The following IMMP2L variants were observed in gnomAD, a reference collection of about 807,000 sequenced individuals.
IMMP2L encodes the protein inner mitochondrial membrane peptidase subunit 2.
A neutral mutation model predicts 19.3 loss-of-function variants in IMMP2L; 18 were observed. The ratio of observed to expected loss-of-function variants is 0.93; its 90% CI spans 0.64 to 1.38. IMMP2L has a LOEUF of 1.38. Ranked by LOEUF, IMMP2L falls within the 40% of genes most tolerant of loss-of-function variation. IMMP2L has a pLI of 0.00. For missense variants in IMMP2L, 233 were observed against 218.2 expected (o/e 1.07, Z -0.43); for synonymous variants, 76 against 73.0 (o/e 1.04, Z -0.21).
intron 2 of IMMP2L, among the ~76,000 whole-genome samples, chr7:111,514,621 T>A (rs2132604390): frequency 6.6e-6 from 1 of 152,218 alleles, no homozygotes; most frequent in African/African-American, 2.4e-5. Context: ...ATGGGTAAAT[T>A]CAATGGTATA....
At chr7:111,127,898 T>C (rs909724584) in intron 3 of IMMP2L, among the ~76,000 whole-genome samples, 15 of 152,268 alleles carry the variant, frequency 9.9e-5, no homozygotes, top group Middle Eastern at 3.4e-3. Context: ...GCATACCCAA[T>C]TGAATACAAA....
chr7:111,114,981 A>G (rs1207195933), intron 3 of IMMP2L, among the ~76,000 whole-genome samples: 2 of 152,132 alleles, frequency 1.3e-5, no homozygotes, highest in African/African-American at 4.8e-5. Context: ...AGAGATCTCT[A>G]GTTTAATTAT....
intron 4 of IMMP2L, among the ~76,000 whole-genome samples, chr7:110,890,400 G>T (rs1370612676): frequency 6.6e-6 from 1 of 152,070 alleles, no homozygotes; most frequent in Non-Finnish European, 1.5e-5. Flanking sequence ...GAAGAACCCT[G>T]GTAAAATTCA....
intron 5 of IMMP2L, among the ~76,000 whole-genome samples, chr7:110,690,093 G>A (rs1793387523): frequency 6.6e-6 from 1 of 152,148 alleles, no homozygotes; most frequent in Non-Finnish European, 1.5e-5. Flanking sequence ...GACTTTCAGA[G>A]TCCAGGCCAG....
intron 3 of IMMP2L, among the ~76,000 whole-genome samples, chr7:111,430,988 G>A (rs1325588839): frequency 1.3e-5 from 2 of 151,588 alleles, no homozygotes; most frequent in African/African-American, 4.9e-5. Context: ...GTGCCTGTAG[G>A]GCCAGCTACT....
At chr7:110,969,120 G>A in intron 3 of IMMP2L, among the ~76,000 whole-genome samples, 1 of 151,922 alleles carries the variant, frequency 6.6e-6, no homozygotes, top group Non-Finnish European at 1.5e-5. Context: ...AAAAGCACAG[G>A]TTTATTTTAA....
intron 3 of IMMP2L, among the ~76,000 whole-genome samples, chr7:111,125,915 C>A (rs1367324706): frequency 6.6e-6 from 1 of 150,954 alleles, no homozygotes; most frequent in Non-Finnish European, 1.5e-5. Context: ...CTCCGCTTCC[C>A]AGGTTCAAGC....
At chr7:111,253,242 T>G (rs772748947) in intron 3 of IMMP2L, among the ~76,000 whole-genome samples, 1 of 152,164 alleles carries the variant, frequency 6.6e-6, no homozygotes, top group African/African-American at 2.4e-5. Flanking sequence ...CAGAGAATTA[T>G]ATCAATGATG....
intron 3 of IMMP2L, among the ~76,000 whole-genome samples, chr7:111,422,432 A>T (rs537192572): frequency 0.057 from 8,661 of 151,712 alleles, 371 homozygotes; most frequent in South Asian, 0.083. Context: ...TGAAGAGGTC[A>T]CCACATCCCT....
intron 3 of IMMP2L, among the ~76,000 whole-genome samples, chr7:111,218,504 C>T (rs952296068): frequency 6.6e-6 from 1 of 151,416 alleles, no homozygotes; most frequent in Non-Finnish European, 1.5e-5. Context: ...CACCAATAAA[C>T]CCCAGGCAAC....
intron 3 of IMMP2L, among the ~76,000 whole-genome samples, chr7:111,338,452 C>G (rs1290254708): frequency 6.6e-6 from 1 of 151,740 alleles, no homozygotes; most frequent in African/African-American, 2.4e-5. Context: ...ACTAGGTATT[C>G]TCAATAATAA....
chr7:111,421,311 C>G (rs1303121930), intron 3 of IMMP2L, among the ~76,000 whole-genome samples: 4 of 145,888 alleles, frequency 2.7e-5, no homozygotes, highest in Non-Finnish European at 4.5e-5. Context: ...GCTCTGTGGC[C>G]CAGGTGGGAG....
intron 4 of IMMP2L, among the ~76,000 whole-genome samples, chr7:110,928,040 G>GAAAT (rs982410416): frequency 5.9e-5 from 9 of 151,788 alleles, no homozygotes; most frequent in Admixed American, 1.3e-4. Context: ...AGCAGGGCCA[G>GAAAT]AAATAAATAA....
chr7:111,024,417 A>G (rs1476902329), intron 3 of IMMP2L, among the ~76,000 whole-genome samples: 1 of 151,982 alleles, frequency 6.6e-6, no homozygotes, highest in African/African-American at 2.4e-5. Context: ...TATCCTAGGA[A>G]CTCCAAATGC....
chr7:111,539,968 T>G (rs986426066), intron 1 of IMMP2L, among the ~76,000 whole-genome samples: 3 of 152,176 alleles, frequency 2.0e-5, no homozygotes, highest in Admixed American at 6.5e-5. Flanking sequence ...TTACTTATTA[T>G]TTTTAATGGC....
chr7:110,936,224 C>G (rs910161262), intron 4 of IMMP2L, among the ~76,000 whole-genome samples: 1 of 152,150 alleles, frequency 6.6e-6, no homozygotes, highest in Non-Finnish European at 1.5e-5. Flanking sequence ...TAAAGAGCTT[C>G]TGCACAGCAA....
intron 3 of IMMP2L, among the ~76,000 whole-genome samples, chr7:110,975,416 T>A (rs1164674005): frequency 6.6e-6 from 1 of 152,138 alleles, no homozygotes; most frequent in Non-Finnish European, 1.5e-5. Context: ...CTTGACCTCC[T>A]GCCTGTTAAC....
rs145002707 is a variant in IMMP2L at position 110,750,436 on chromosome 7, C to G, written c.409-86715G>C. 5.8e-4 allele frequency among the ~76,000 whole-genome samples: 88 copies of G among 152,042 alleles called. 1 individual carries two copies. The highest frequency in any genetic ancestry group is 2.0e-3 in the African/African-American group (81 of 41,482). On this transcript the variant is annotated intron_variant, in intron 5 of 5. Transcript: ENST00000405709. ...AACCCTGAATATCTATTGGGATATT[C>G]TTGGATTGCATTGTAAATAGAAGCA...
chr7:111,048,238 C>CAAAAAAAAAAAAAAAAAGAAA (rs1792611918), intron 3 of IMMP2L, among the ~76,000 whole-genome samples: 1 of 18,354 alleles, frequency 5.4e-5, no homozygotes, highest in Non-Finnish European at 1.4e-4. Context: ...GACTCTGTCT[C>CAAAAAAAAAAAAAAAAAGAAA]AAAAAAAAAA....
Sources: allele counts gnomAD v4.1 joint callset (sites outside exome capture counted in the v4.1 genomes callset), GRCh38; gene constraint gnomAD v4.1.1; transcripts MANE v1.5; gene names NCBI Gene and HGNC (gene_info 2026-07-23, HGNC 2026-07-21).